Variants in MTCH2 observed in about 807,000 individuals in gnomAD.
MTCH2 encodes the protein mitochondrial carrier 2.
In MTCH2, 25 loss-of-function variants were observed where a neutral mutation model predicts 50.6. The ratio of observed to expected loss-of-function variants is 0.49; its 90% CI spans 0.36 to 0.69. The LOEUF (loss-of-function observed/expected upper bound fraction) is 0.69, where lower values mean the gene tolerates loss of function less well. Ranked by LOEUF, MTCH2 falls within the 30% of genes least tolerant of loss-of-function variation. The pLI, the probability that MTCH2 is intolerant of heterozygous loss-of-function variation, is 0.00. For missense variants in MTCH2, 273 were observed against 384.4 expected (o/e 0.71, Z 2.42); for synonymous variants, 106 against 132.0 (o/e 0.80, Z 1.35).
At chr11:47,627,055 G>T (rs1309964647) in intron 10 of MTCH2, 25 bp downstream of exon 10, 2 of 1,544,974 alleles carry the variant, frequency 1.3e-6, no homozygotes, top group African/African-American at 2.8e-5. Context: ...TTCCTAGAAG[G>T]TTAAAAGGAT....
intron 12 of MTCH2, among the ~76,000 whole-genome samples, chr11:47,622,250 T>TA (rs2097293973): frequency 6.6e-6 from 1 of 152,138 alleles, no homozygotes; most frequent in African/African-American, 2.4e-5. Context: ...TAACAAACCC[T>TA]AAATTGGTAT....
Position 47,642,395 on chromosome 11 carries a change from A to G in MTCH2, c.71T>C (p.Val24Ala). Residue 24 changes from valine (V) to alanine (A), a missense_variant, in exon 1 of 13, where the codon GTG becomes GCG. This residue lies in a region of MTCH2 where 203 missense variants were observed against 244.3 expected (regional missense o/e 0.83). Transcript: ENST00000302503. ...GCCTCATACCTGGATGAGCACTTTC[A>G]CGTACATGAGCGGCTGGGACAGGAT... ...LTILSQPLMY[V>A]KVLIQVGYEP... 1 of 1,608,902 alleles carries G rather than the reference A, an allele frequency of 6.2e-7. No homozygotes were observed. Among genetic ancestry groups the G allele is most frequent in the Non-Finnish European group, 8.5e-7 (1 of 1,177,880 alleles).
At chr11:47,626,001 C>T (rs994385638) in intron 10 of MTCH2, among the ~76,000 whole-genome samples, 1 of 152,064 alleles carries the variant, frequency 6.6e-6, no homozygotes, top group East Asian at 1.9e-4. Flanking sequence ...GCGCACGCCA[C>T]CATACCCAAC....
the MTCH2 span, among the ~76,000 whole-genome samples, chr11:47,608,826 T>C: frequency 1.3e-5 from 2 of 150,962 alleles, no homozygotes; most frequent in East Asian, 2.0e-4. Context: ...GGCGTGGTGG[T>C]GGGCACCTGT....
At chr11:47,613,782 G>A (rs2097286826), downstream of MTCH2, among the ~76,000 whole-genome samples, 2 of 151,980 alleles carry the variant, frequency 1.3e-5, no homozygotes, top group African/African-American at 4.8e-5. Context: ...TCCTCAGATG[G>A]ATGGCTTACA....
At chr11:47,633,682 A>C (rs2097305808) in intron 5 of MTCH2, among the ~76,000 whole-genome samples, 1 of 149,710 alleles carries the variant, frequency 6.7e-6, no homozygotes, top group African/African-American at 2.5e-5. Context: ...GATTACAGAC[A>C]TGCGCCACCA....
intron 1 of MTCH2, among the ~76,000 whole-genome samples, chr11:47,641,386 T>G (rs906239768): frequency 3.3e-5 from 5 of 152,182 alleles, no homozygotes; most frequent in Non-Finnish European, 7.3e-5. Context: ...TAATTTGGAT[T>G]CCCAACAACT....
chr11:47,607,523 C>A, the MTCH2 span, among the ~76,000 whole-genome samples: 2 of 152,164 alleles, frequency 1.3e-5, no homozygotes, highest in East Asian at 3.9e-4. Context: ...TCTACCCCTT[C>A]AGATGGGCCT....
intron 2 of MTCH2, 57 bp downstream of exon 2, chr11:47,638,910 T>A: frequency 6.3e-7 from 1 of 1,575,938 alleles, no homozygotes; most frequent in South Asian, 1.1e-5. Flanking sequence ...CAATAACAAC[T>A]CCTGCCTATC....
intron 5 of MTCH2, 64 bp from the exon 6 acceptor site, chr11:47,631,775 G>C (rs2097303320): frequency 1.9e-6 from 3 of 1,543,810 alleles, no homozygotes; most frequent in African/African-American, 1.4e-5. Flanking sequence ...CTGTGAGAAG[G>C]AATGTGGGTG....
chr11:47,642,363 C>A lies in MTCH2; in HGVS notation c.87+16G>T, dbSNP rs188406391. On this transcript the variant is annotated intron_variant, in intron 1 of 12. Coordinates refer to ENST00000302503, the MANE Select transcript of MTCH2 (RefSeq NM_014342.4). ...ACGGGGCGCCGGGCGGGGTAGGGAG[C>A]GGCGACGCCTCATACCTGGATGAGC... 1 of 1,402,668 alleles carries A rather than the reference C, an allele frequency of 7.1e-7. No homozygotes were observed. The highest frequency in any genetic ancestry group is 9.3e-7 in the Non-Finnish European group (1 of 1,078,984). The allele number at this position is 1,402,668 out of a possible 1,614,324, so 86.9% of individuals were successfully genotyped here. A position where few individuals can be genotyped will look rare whatever the true frequency, so the allele number is the denominator to read the frequency against.
downstream of MTCH2, among the ~76,000 whole-genome samples, chr11:47,613,723 C>T (rs1272475273): frequency 1.7e-4 from 1 of 6,008 alleles, no homozygotes; most frequent in East Asian, 5.9e-3. Context: ...GACCATTCTA[C>T]TCTGTTGGGA....
chr11:47,608,611 T>G, the MTCH2 span, among the ~76,000 whole-genome samples: 1 of 152,054 alleles, frequency 6.6e-6, no homozygotes, highest in South Asian at 2.1e-4. Context: ...GCAGAGGCTG[T>G]TGGGGAACTG....
In MTCH2 at chr11:47,630,575, C is replaced by A. The variant is rs748620805; in HGVS notation, c.519G>T (p.Glu173Asp). Residue 173 changes from glutamate to aspartate, a missense_variant, in exon 8 of 13, where the codon GAG (glutamate) becomes GAT (aspartate). Glu to Asp is a conservative substitution (Grantham distance 45, BLOSUM62 2). This residue lies in a region of MTCH2 where 203 missense variants were observed against 244.3 expected (regional missense o/e 0.83). Transcript: ENST00000302503. Reference sequence around the variant, plus strand: ...CTCACGCGAAAAATCCTAGAATGCCCTCTTCCCGATAGATGGTTATTATGG... The same window carrying A: ...CTCACGCGAAAAATCCTAGAATGCCATCTTCCCGATAGATGGTTATTATGG... ...CDSIITIYRE[E>D]GILGFFAGLV... 6.2e-7 allele frequency: 1 copy of A among 1,613,042 alleles called. No homozygotes were observed. The highest frequency in any genetic ancestry group is 8.5e-7 in the Non-Finnish European group (1 of 1,179,074).
Position 47,631,731 on chromosome 11 carries a change from A to G in MTCH2, c.370-20T>C, listed in dbSNP as rs377203241. ...AGTTGTCTAGAAACAATCAACACAC[A>G]CTTCTGAAATCTAAACAAATGACAC... On this transcript the variant is annotated intron_variant, in intron 5 of 12. Coordinates refer to ENST00000302503, the MANE Select transcript of MTCH2 (RefSeq NM_014342.4). 18 of 1,613,856 alleles carry G rather than the reference A, an allele frequency of 1.1e-5. No individual in the cohort carries two copies. Among genetic ancestry groups the G allele is most frequent in the Non-Finnish European group, 1.4e-5 (17 of 1,179,752 alleles).
At chr11:47,637,736 C>T (rs1173726811) in intron 3 of MTCH2, among the ~76,000 whole-genome samples, 1 of 152,018 alleles carries the variant, frequency 6.6e-6, no homozygotes, top group East Asian at 1.9e-4. Flanking sequence ...ACAACATTTT[C>T]TCTTGTAAAA....
chr11:47,626,727 C>T (rs918945562), intron 10 of MTCH2, among the ~76,000 whole-genome samples: 2 of 152,062 alleles, frequency 1.3e-5, no homozygotes, highest in Non-Finnish European at 2.9e-5. Flanking sequence ...ATTCTCCTGC[C>T]TCAGCCTCCC....
At chr11:47,620,506 A>T (rs2153798313) in intron 12 of MTCH2, among the ~76,000 whole-genome samples, 1 of 151,870 alleles carries the variant, frequency 6.6e-6, no homozygotes, top group East Asian at 1.9e-4. Context: ...CAAAAAAATT[A>T]ACAGGACATG....
the MTCH2 span, among the ~76,000 whole-genome samples, chr11:47,607,467 GA>G: frequency 6.6e-6 from 1 of 152,212 alleles, no homozygotes; most frequent in Non-Finnish European, 1.5e-5. Flanking sequence ...ACAGGAAACA[GA>G]ACAGAACAGC....
Sources: allele counts gnomAD v4.1 joint callset (sites outside exome capture counted in the v4.1 genomes callset), GRCh38; gene constraint gnomAD v4.1.1; regional missense constraint gnomAD v4.1.1; transcripts MANE v1.5; gene names NCBI Gene and HGNC (gene_info 2026-07-23, HGNC 2026-07-21).